The following OTOG variants were observed in gnomAD, a reference collection of about 807,000 sequenced individuals.
OTOG encodes the protein otogelin.
In OTOG, 296 loss-of-function variants were observed where a neutral mutation model predicts 313.8. That is an observed-to-expected ratio of 0.94 (90% CI 0.86 to 1.04). The LOEUF is 1.04. OTOG is among the 50% of genes least tolerant of loss of function. The probability of loss-of-function intolerance (pLI) is 0.00; values close to 1 mark genes in which losing one functional copy is unlikely to be tolerated. For missense variants in OTOG, 3,948 were observed against 3,840.1 expected (o/e 1.03, Z -0.74); for synonymous variants, 1,533 against 1,554.9 (o/e 0.99, Z 0.33).
At position 17,629,262 on chromosome 11, in the gene OTOG, CTCATGA is replaced by C. The variant is rs1425035045; in HGVS notation, c.6661_6666del (p.Met2221_Ile2222del). The C allele has an allele frequency of 6.4e-7, 1 of 1,550,486 alleles. No individual in the cohort carries two copies. Among genetic ancestry groups the C allele is most frequent in the Non-Finnish European group, 8.7e-7 (1 of 1,147,014 alleles). ...GATCCAGTGGCTCCACAGCTCAGGA[CTCATGA>C]TCGTGGAGGCCAGCAAAACCAGCAA... On this transcript the variant is annotated inframe_deletion, in exon 40 of 56. Coordinates refer to ENST00000399397, the MANE Select transcript of OTOG (RefSeq NM_001292063.2).
At chr11:17,619,279 A>G (rs1853805287) in intron 39 of OTOG, among the ~76,000 whole-genome samples, 1 of 152,208 alleles carries the variant, frequency 6.6e-6, no homozygotes, top group African/African-American at 2.4e-5. Context: ...CTCAACAAAC[A>G]AACAAACAAA....
At chr11:17,595,105 A>C (rs1020635853) in intron 28 of OTOG, among the ~76,000 whole-genome samples, 1 of 152,118 alleles carries the variant, frequency 6.6e-6, no homozygotes, top group African/African-American at 2.4e-5. Context: ...GGGGTAAGGG[A>C]AGCAGTCGTG....
intron 8 of OTOG, among the ~76,000 whole-genome samples, 169 bp downstream of exon 8, chr11:17,557,492 A>T (rs1852081876): frequency 6.6e-6 from 1 of 152,188 alleles, no homozygotes; most frequent in Non-Finnish European, 1.5e-5. Flanking sequence ...GTCCTTGGGC[A>T]TGTTCTTAAA....
In OTOG at chr11:17,634,279, G is replaced by T; in HGVS notation, c.7478G>T (p.Cys2493Phe). ...TKDPCCLGTV[C>F]VCNQTLCEGL... The stretch of plus-strand genomic sequence containing the variant: ...GACCCCTGCTGCCTGGGGACTGTCT[G>T]TGGTGAGTGTCCACCTTCACTTCCT... Residue 2493 changes from cysteine to phenylalanine, a missense_variant and splice_region_variant, in exon 44 of 56, where the codon TGT (cysteine) becomes TTT (phenylalanine). By Grantham distance (205) the Cys-to-Phe change is radical. Transcript: ENST00000399397. 1.9e-6 allele frequency: 3 copies of T among 1,549,984 alleles called. No individual in the cohort carries two copies. Among genetic ancestry groups the T allele is most frequent in the Non-Finnish European group, 2.6e-6 (3 of 1,146,492 alleles).
chr11:17,636,845 G>A (rs1228796164), intron 47 of OTOG, among the ~76,000 whole-genome samples: 8 of 151,958 alleles, frequency 5.3e-5, no homozygotes, highest in Non-Finnish European at 2.9e-5. Flanking sequence ...CCCAGGGCAA[G>A]TTCCTTACTC....
intron 37 of OTOG, 119 bp downstream of exon 37, chr11:17,612,449 T>C: frequency 7.1e-7 from 1 of 1,406,608 alleles, no homozygotes; most frequent in East Asian, 2.5e-5. Flanking sequence ...ACCTGGCAGA[T>C]TTCCTACGCT....
In OTOG at chr11:17,635,329, C is replaced by G. The variant is rs114450252; in HGVS notation, c.7693+142C>G. ...AAGGGAGAAGGACAAGCTCACTGTC[C>G]AGGAAACAGTGTGGGAGGAAGAGGA... is the stretch of plus-strand genomic sequence containing the variant. On this transcript the variant is annotated intron_variant, in intron 46 of 55. Transcript: ENST00000399397. 1.3e-3 allele frequency: 880 copies of G among 698,658 alleles called. 3 individuals are homozygous for G. The African/African-American group carries it at 0.014, about 11-fold the overall frequency. The allele number at this position is 698,658 out of a possible 1,614,324, so 43.3% of individuals were successfully genotyped here. A position where few individuals can be genotyped will look rare whatever the true frequency, so the allele number is the denominator to read the frequency against.
chr11:17,601,598 G>A (rs1039756056), intron 31 of OTOG, among the ~76,000 whole-genome samples: 2 of 142,778 alleles, frequency 1.4e-5, no homozygotes, highest in African/African-American at 5.1e-5. Context: ...CCACCAGGGG[G>A]CGTGGCTGGG....
intron 19 of OTOG, 33 bp downstream of exon 19, chr11:17,573,323 A>AG (rs1374568294): frequency 2.7e-6 from 4 of 1,490,556 alleles, no homozygotes; most frequent in South Asian, 1.3e-5. Flanking sequence ...GCTGAGCTGG[A>AG]GGAGCCAGAG....
chr11:17,569,317 G>A, intron 16 of OTOG, 29 bp downstream of exon 16: 1 of 1,549,880 alleles, frequency 6.5e-7, no homozygotes, highest in South Asian at 1.2e-5. Context: ...AACAGACCTA[G>A]TTGGGAACTG....
chr11:17,586,681 G>A, intron 24 of OTOG, 100 bp downstream of exon 24: 1 of 573,082 alleles, frequency 1.7e-6, no homozygotes, highest in Non-Finnish European at 2.8e-6. Flanking sequence ...ATTTCATTAT[G>A]TTTGTATTCA....
chr11:17,593,131 GTACCTCT>G, intron 25 of OTOG, 55 bp from the exon 26 acceptor site: 1 of 1,480,166 alleles, frequency 6.8e-7, no homozygotes, highest in South Asian at 1.3e-5. Flanking sequence ...CTCCACCTCT[GTACCTCT>G]TGGCAGGATC....
chr11:17,558,356 A>T (rs1176307327), intron 9 of OTOG, 41 bp downstream of exon 9: 2 of 1,546,506 alleles, frequency 1.3e-6, no homozygotes, highest in East Asian at 4.9e-5. Flanking sequence ...CTAGAGCCTG[A>T]CTTGCTATCC....
At chr11:17,602,082 G>A in intron 31 of OTOG, 128 bp from the exon 32 acceptor site, 1 of 1,032,914 alleles carries the variant, frequency 9.7e-7, no homozygotes, top group African/African-American at 1.6e-5. Flanking sequence ...CTGGGATGAA[G>A]GACACCATCA....
intron 23 of OTOG, among the ~76,000 whole-genome samples, chr11:17,581,468 C>A (rs1355973801): frequency 6.6e-6 from 1 of 152,192 alleles, no homozygotes; most frequent in Non-Finnish European, 1.5e-5. Context: ...ACAGAGATTT[C>A]TTCCCTTGAA....
chr11:17,552,614 C>G (rs1294568656), intron 4 of OTOG, among the ~76,000 whole-genome samples: 1 of 151,698 alleles, frequency 6.6e-6, no homozygotes, highest in Non-Finnish European at 1.5e-5. Flanking sequence ...CCCACCTGTC[C>G]TCTCACATCA....
intron 2 of OTOG, 61 bp from the exon 3 acceptor site, chr11:17,548,091 A>G: frequency 6.7e-7 from 1 of 1,501,134 alleles, no homozygotes; most frequent in Non-Finnish European, 9.0e-7. Flanking sequence ...AGGCCAGGGG[A>G]CTGCGGGGAG....
rs1450433578 is a variant in OTOG, at chr11:17,606,120, C to T, written c.4141C>T (p.Leu1381Phe). 2.0e-6 allele frequency: 3 copies of T among 1,536,800 alleles called. No individual in the cohort carries two copies. The South Asian group carries it at 3.6e-5, about 19-fold the overall frequency. ...CACAGAGGTGTTCCGCCGGGGCACA[C>T]TCTTCCGCCTTCTGGGTAGGCGACC... ...EHTEVFRRGT[L>F]FRLLDAKPSG... is the part of the protein sequence containing the mutation. Residue 1381 changes from leucine (L) to phenylalanine (F), a missense_variant, in exon 33 of 56, where the codon CTC becomes TTC. Transcript: ENST00000399397.
chr11:17,553,621 T>A lies in OTOG; in HGVS notation c.540+102T>A, dbSNP rs897540713. On this transcript the variant is annotated intron_variant, in intron 6 of 55. Transcript: ENST00000399397. ...GTCATAGTTAGAGAGACTGGCACCTTCCTCCTTGCATCGCCCCCCAGCTCC... is the reference window on the plus strand; with the variant it reads ...GTCATAGTTAGAGAGACTGGCACCTACCTCCTTGCATCGCCCCCCAGCTCC... The A allele has an allele frequency of 1.2e-5, 13 of 1,120,602 alleles. No individual in the cohort carries two copies. The African/African-American group carries it at 1.8e-4, about 15-fold the overall frequency. The allele number at this position is 1,120,602 out of a possible 1,614,324, so 69.4% of individuals were successfully genotyped here. A position where few individuals can be genotyped will look rare whatever the true frequency, so the allele number is the denominator to read the frequency against.
Sources: allele counts gnomAD v4.1 joint callset (sites outside exome capture counted in the v4.1 genomes callset), GRCh38; gene constraint gnomAD v4.1.1; transcripts MANE v1.5; gene names NCBI Gene and HGNC (gene_info 2026-07-23, HGNC 2026-07-21).